NFATC2IP: variants seen among roughly 807,000 people sequenced by gnomAD.
NFATC2IP encodes the protein NFATC2-interacting protein.
A neutral mutation model predicts 40.2 loss-of-function variants in NFATC2IP; 25 were observed. That is an observed-to-expected ratio of 0.62 (90% confidence interval 0.45 to 0.87). NFATC2IP has a LOEUF of 0.87. NFATC2IP is among the 40% of genes least tolerant of loss of function. NFATC2IP has a pLI of 0.00. For synonymous variants in NFATC2IP, 241 were observed against 236.3 expected (o/e 1.02, Z -0.18); for missense variants, 553 against 555.6 (o/e 1.00, Z 0.05).
intron 7 of NFATC2IP, among the ~76,000 whole-genome samples, chr16:28,960,367 T>C (rs1965072290): frequency 6.6e-6 from 1 of 152,116 alleles, no homozygotes; most frequent in Non-Finnish European, 1.5e-5. Flanking sequence ...ATCTGCAAAA[T>C]ATATACATCC....
At chr16:28,952,402 CTGA>C in intron 2 of NFATC2IP, 198 bp downstream of exon 2, 2 of 798,216 alleles carry the variant, frequency 2.5e-6, no homozygotes, top group Non-Finnish European at 3.8e-6. Flanking sequence ...CTGGTGCCAC[CTGA>C]AGAGATGCTG....
At position 28,952,174 on chromosome 16, in the gene NFATC2IP, C is replaced by A; in HGVS notation, c.430C>A (p.Leu144Met). 6.2e-7 allele frequency: 1 copy of A among 1,613,904 alleles called. No individual in the cohort carries two copies. ...LRLIPDDLSL[L>M]KLYPPGDEEE... ...CCTTATCCCAGATGATCTATCCCTC[C>A]TGAAACTCTACCCTCCAGGGGATGA... The change falls in exon 2 of 8, where the codon CTG (leucine) becomes ATG (methionine). Residue 144 changes from leucine (L) to methionine (M), a missense_variant. Coordinates refer to ENST00000320805, the MANE Select transcript of NFATC2IP (RefSeq NM_032815.4).
chr16:28,960,669 C>A (rs750898258), intron 7 of NFATC2IP, among the ~76,000 whole-genome samples: 19 of 152,124 alleles, frequency 1.2e-4, no homozygotes, highest in Non-Finnish European at 2.2e-4. Context: ...TGCAGTGGCT[C>A]ACACCTGTAA....
At position 28,966,575 on chromosome 16, in the gene NFATC2IP, C is replaced by G. The variant is rs1443747869; in HGVS notation, c.*2712C>G. ...GGAATTCAAGACTGAAACCTTGTCT[C>G]TACTGAAAATACAAAAAAAAAAAAA... On this transcript the variant is annotated 3_prime_UTR_variant, in exon 8 of 8. Transcript: ENST00000320805. 1 of 123,954 alleles carries G rather than the reference C, an allele frequency of 8.1e-6. No homozygotes were observed. The highest frequency in any genetic ancestry group is 1.6e-5 in the Non-Finnish European group (1 of 61,518). The allele number at this position is 123,954 out of a possible 1,614,324, so 7.7% of individuals were successfully genotyped here.
At chr16:28,951,923 T>C (rs573372207) in intron 1 of NFATC2IP, among the ~76,000 whole-genome samples, 2 of 151,908 alleles carry the variant, frequency 1.3e-5, no homozygotes, top group East Asian at 3.9e-4. Flanking sequence ...CATTTCAGAG[T>C]GTCTTAGGCA....
chr16:28,964,159 C>T lies in NFATC2IP; in HGVS notation c.*296C>T. 1 of 358,338 alleles carries T rather than the reference C, an allele frequency of 2.8e-6. No homozygotes were observed. The allele number at this position is 358,338 out of a possible 1,614,324, so 22.2% of individuals were successfully genotyped here. ...TCACCCCTCCCCTTTCACCACCATCCTCTTTTCCTCATGGAAATGTCTGCT... is the reference window on the plus strand; with the variant it reads ...TCACCCCTCCCCTTTCACCACCATCTTCTTTTCCTCATGGAAATGTCTGCT... On this transcript the variant is annotated 3_prime_UTR_variant, in exon 8 of 8. Coordinates refer to ENST00000320805, the MANE Select transcript of NFATC2IP (RefSeq NM_032815.4).
intron 7 of NFATC2IP, among the ~76,000 whole-genome samples, chr16:28,963,231 C>T (rs566104390): frequency 6.6e-6 from 1 of 152,332 alleles, no homozygotes; most frequent in South Asian, 2.1e-4. Context: ...CACATTCACA[C>T]TTAACAGGGG....
chr16:28,963,692 T>C lies in NFATC2IP; in HGVS notation c.1102-13T>C. 1.2e-6 allele frequency: 2 copies of C among 1,612,998 alleles called. No individual in the cohort carries two copies. The highest frequency in any genetic ancestry group is 2.2e-5 in the South Asian group (2 of 91,064). ...TCATGTTCTGACGTCCATTTTCTTT[T>C]GTCTCCATCCAGGATTCCCCTCTAA... On this transcript the variant is annotated splice_polypyrimidine_tract_variant and intron_variant, in intron 7 of 7. Coordinates refer to ENST00000320805, the MANE Select transcript of NFATC2IP (RefSeq NM_032815.4).
intron 7 of NFATC2IP, among the ~76,000 whole-genome samples, chr16:28,959,305 C>T (rs1394488703): frequency 6.6e-6 from 1 of 152,124 alleles, no homozygotes; most frequent in African/African-American, 2.4e-5. Context: ...ACCCTCTGCC[C>T]TAGTCTGGGT....
Position 28,966,696 on chromosome 16 carries a change from T to C in NFATC2IP, c.*2833T>C, listed in dbSNP as rs1279522080. ...ATCGCTTGAACCCAGGAGGCAGAGG[T>C]TGCAGTGAGCCAAGATCGCGCCATT... On this transcript the variant is annotated 3_prime_UTR_variant, in exon 8 of 8. Coordinates refer to ENST00000320805, the MANE Select transcript of NFATC2IP (RefSeq NM_032815.4). The C allele has an allele frequency of 6.6e-6, 1 of 150,974 alleles. No individual in the cohort carries two copies. Among genetic ancestry groups the C allele is most frequent in the Non-Finnish European group, 1.5e-5 (1 of 67,944 alleles). The allele number at this position is 150,974 out of a possible 1,614,324, so 9.4% of individuals were successfully genotyped here.
At position 28,951,253 on chromosome 16, in the gene NFATC2IP, CG is replaced by C; in HGVS notation, c.244del (p.Val82SerfsTer63). ...VEVEPPEPPG[P>X]VASRDNSNSD... ...GTGGAGCCCCCGGAGCCCCCGGGGC[CG>C]GTCGCGTCCCGGGATAACAGCAACA... On this transcript the variant is annotated frameshift_variant, in exon 1 of 8. Transcript: ENST00000320805. 2.7e-6 allele frequency: 4 copies of C among 1,488,476 alleles called. No homozygotes were observed. The highest frequency in any genetic ancestry group is 3.6e-6 in the Non-Finnish European group (4 of 1,113,344). 92.2% of individuals were successfully genotyped at this position (1,488,476 alleles called of 1,614,324 possible).
At chr16:28,963,612 G>C in intron 7 of NFATC2IP, 93 bp from the exon 8 acceptor site, 1 of 1,133,288 alleles carries the variant, frequency 8.8e-7, no homozygotes, top group South Asian at 1.4e-5. Context: ...CGCCCCTGCC[G>C]CCATCCTCCC....
intron 7 of NFATC2IP, among the ~76,000 whole-genome samples, chr16:28,963,394 A>T (rs1315314001): frequency 6.6e-6 from 1 of 152,124 alleles, no homozygotes; most frequent in Non-Finnish European, 1.5e-5. Flanking sequence ...CTTCTGTTTC[A>T]TAGGGAAGGA....
intron 2 of NFATC2IP, among the ~76,000 whole-genome samples, chr16:28,953,541 G>A (rs1964988863): frequency 6.6e-6 from 1 of 152,186 alleles, no homozygotes; most frequent in Non-Finnish European, 1.5e-5. Context: ...GGACACAGAA[G>A]TGCTACGTAA....
In NFATC2IP at chr16:28,966,188, C is replaced by G. The variant is rs1043370131; in HGVS notation, c.*2325C>G. On this transcript the variant is annotated 3_prime_UTR_variant, in exon 8 of 8. Transcript: ENST00000320805. ...TTCTCCTGTTAGCTGTTCAGCTTTT[C>G]CTTTCATATTGAGAACACTACACAG... The G allele has an allele frequency of 6.6e-6, 1 of 152,092 alleles. No homozygotes were observed. The highest frequency in any genetic ancestry group is 2.4e-5 in the African/African-American group (1 of 41,352). 9.4% of individuals were successfully genotyped at this position (152,092 alleles called of 1,614,324 possible).
intron 7 of NFATC2IP, among the ~76,000 whole-genome samples, chr16:28,959,920 C>G (rs1965066799): frequency 6.6e-6 from 1 of 152,134 alleles, no homozygotes; most frequent in Non-Finnish European, 1.5e-5. Context: ...AATTGGGTGG[C>G]TTAAAACAAT....
chr16:28,953,564 T>C (rs184077407), intron 2 of NFATC2IP, among the ~76,000 whole-genome samples: 11 of 152,242 alleles, frequency 7.2e-5, no homozygotes, highest in Middle Eastern at 3.4e-3. Flanking sequence ...GGTACCTCTA[T>C]CCCTGATACT....
Position 28,963,733 on chromosome 16 carries a change from A to G in NFATC2IP, c.1130A>G (p.His377Arg), listed in dbSNP as rs1156464884. 3 of 1,613,886 alleles carry G rather than the reference A, an allele frequency of 1.9e-6. No homozygotes were observed. Among genetic ancestry groups the G allele is most frequent in the Non-Finnish European group, 2.5e-6 (3 of 1,179,892 alleles). ...RDSPLKTLMS[H>R]YEEAMGLSGR... ...TCCCCTCTAAAGACCCTCATGTCCC[A>G]CTATGAGGAGGCCATGGGACTGTCG... is the stretch of plus-strand genomic sequence containing the variant. Residue 377 changes from histidine to arginine, a missense_variant, in exon 8 of 8, where the codon CAC (histidine) becomes CGC (arginine). By Grantham distance (29) the His-to-Arg change is conservative. Transcript: ENST00000320805.
Position 28,956,347 on chromosome 16 carries a change from T to G in NFATC2IP, c.846+10T>G, listed in dbSNP as rs1346231016. ...ATTGCCCCTCAGGATGGTGAGTGCC[T>G]GAGGCCCATGGGAGAAGGACCCAGG... On this transcript the variant is annotated intron_variant, in intron 5 of 7. Transcript: ENST00000320805. The G allele has an allele frequency of 6.2e-7, 1 of 1,609,992 alleles. No individual in the cohort carries two copies. Among genetic ancestry groups the G allele is most frequent in the Non-Finnish European group, 8.5e-7 (1 of 1,177,226 alleles).
Sources: allele counts gnomAD v4.1 joint callset (sites outside exome capture counted in the v4.1 genomes callset), GRCh38; gene constraint gnomAD v4.1.1; transcripts MANE v1.5; gene names NCBI Gene and HGNC (gene_info 2026-07-23, HGNC 2026-07-21).